PDGFRB: variants seen among roughly 807,000 people sequenced by gnomAD.
The protein encoded by PDGFRB is platelet-derived growth factor receptor beta.
A neutral mutation model predicts 120.2 loss-of-function variants in PDGFRB; 42 were observed. That is an observed-to-expected ratio of 0.35 (90% confidence interval 0.27 to 0.45). PDGFRB has a LOEUF of 0.45. PDGFRB is among the 20% of genes least tolerant of loss of function. The probability of loss-of-function intolerance (pLI) is 1.00; values close to 1 mark genes in which losing one functional copy is unlikely to be tolerated. For synonymous variants in PDGFRB, 586 were observed against 606.8 expected (o/e 0.97, Z 0.50); for missense variants, 1,149 against 1,476.3 (o/e 0.78, Z 3.63).
chr5:150,136,260 C>G (rs1760628737), intron 2 of PDGFRB, among the ~76,000 whole-genome samples: 1 of 152,250 alleles, frequency 6.6e-6, no homozygotes, highest in Admixed American at 6.5e-5. Flanking sequence ...CCTCCCCCGA[C>G]TGCCCAGGTT....
At chr5:150,139,805 C>T (rs758989721) in intron 1 of PDGFRB, among the ~76,000 whole-genome samples, 4 of 152,014 alleles carry the variant, frequency 2.6e-5, no homozygotes, top group Admixed American at 6.6e-5. Context: ...CATGGTGAAA[C>T]CCCGTCTCTA....
At chr5:150,122,230 A>G (rs939875249) in intron 15 of PDGFRB, 190 bp from the exon 16 acceptor site, 23 of 579,472 alleles carry the variant, frequency 4.0e-5, no homozygotes, top group African/African-American at 3.4e-4. Context: ...CACTGAGGCT[A>G]CCAAAATGAC....
At chr5:150,124,158 G>A in intron 14 of PDGFRB, 92 bp downstream of exon 14, 1 of 802,316 alleles carries the variant, frequency 1.2e-6, no homozygotes, top group East Asian at 2.6e-5. Context: ...GCAGGAGTGT[G>A]CTGTTGTGCA....
chr5:150,147,633 T>C (rs983165939), intron 1 of PDGFRB, among the ~76,000 whole-genome samples: 33 of 152,148 alleles, frequency 2.2e-4, no homozygotes, highest in African/African-American at 8.0e-4. Context: ...AACATTGAGA[T>C]TCCCCTCAGA....
chr5:150,139,394 T>C (rs895089263), intron 1 of PDGFRB, among the ~76,000 whole-genome samples: 4 of 151,934 alleles, frequency 2.6e-5, no homozygotes, highest in Admixed American at 6.5e-5. Flanking sequence ...CCCATCCATA[T>C]AGAGAGGTTG....
intron 14 of PDGFRB, 35 bp downstream of exon 14, chr5:150,124,215 T>A: frequency 6.8e-7 from 1 of 1,473,346 alleles, no homozygotes. Flanking sequence ...TGGTGGGCAC[T>A]TTCCCTGAGG....
Position 150,132,985 on chromosome 5 carries a change from C to T in PDGFRB, c.935-43G>A. The T allele has an allele frequency of 2.1e-6, 3 of 1,416,744 alleles. No individual in the cohort carries two copies. Among genetic ancestry groups the T allele is most frequent in the Non-Finnish European group, 2.9e-6 (3 of 1,036,348 alleles). 87.8% of individuals were successfully genotyped at this position (1,416,744 alleles called of 1,614,324 possible). On this transcript the variant is annotated intron_variant, in intron 6 of 22. Coordinates refer to ENST00000261799, the MANE Select transcript of PDGFRB (RefSeq NM_002609.4). This position sits in a 1 kb window ranked among gnomAD's most constrained non-coding sequence, Gnocchi z 5.0. ...CAGGGGCGGGGCCCTGGGGGCAGGG[C>T]ACCAACTGAATCCCAAAGGAGGCCA...
Position 150,140,690 on chromosome 5 carries a change from G to A in PDGFRB, c.-6-3637C>T, listed in dbSNP as rs148940734. ...GAGCGGAGTAAGGACCCCAAGTCCA[G>A]GGGAGCAGACTGGGAACTCCAAGTC... On this transcript the variant is annotated intron_variant, in intron 1 of 22. Transcript: ENST00000261799. Among the ~76,000 whole-genome samples, 1,206 of 151,796 alleles carry A rather than the reference G, an allele frequency of 7.9e-3. 13 individuals are homozygous for A. Among genetic ancestry groups the A allele is most frequent in the African/African-American group, 0.027 (1,115 of 41,380 alleles).
intron 21 of PDGFRB, 80 bp downstream of exon 21, chr5:150,118,667 A>T: frequency 1.1e-6 from 1 of 876,152 alleles, no homozygotes. Flanking sequence ...ATGCCAGCCC[A>T]TCACGCAGAG....
Position 150,140,263 on chromosome 5 carries a change from C to T in PDGFRB, c.-6-3210G>A, listed in dbSNP as rs962885369. Among the ~76,000 whole-genome samples the T allele has an allele frequency of 9.2e-5, 14 of 152,106 alleles. 1 individual carries two copies. The highest frequency in any genetic ancestry group is 6.5e-4 in the Admixed American group (10 of 15,280). On this transcript the variant is annotated intron_variant, in intron 1 of 22. Transcript: ENST00000261799. ...ATCCCAGGGAGGCCCAGGCAGCTGACTTGGTGGTAGTGGGCTTGCCTGTGA... is the reference window on the plus strand; with the variant it reads ...ATCCCAGGGAGGCCCAGGCAGCTGATTTGGTGGTAGTGGGCTTGCCTGTGA...
rs1472863128 is a variant in PDGFRB at position 150,124,343 on chromosome 5, C to T, written c.1930G>A (p.Glu644Lys). 2 of 1,614,098 alleles carry T rather than the reference C, an allele frequency of 1.2e-6. No homozygotes were observed. The highest frequency in any genetic ancestry group is 1.7e-6 in the Non-Finnish European group (2 of 1,179,946). ...KMLKSTARSS[E>K]KQALMSELKI... ...AGCTCCGACATAAGGGCTTGCTTCT[C>T]ACTGCTGCGGGCTGTGGCTGAGGAA... Residue 644 changes from glutamate to lysine, a missense_variant, in exon 14 of 23, where the codon GAG (glutamate) becomes AAG (lysine). Glu to Lys is a moderately conservative substitution (Grantham distance 56). Transcript: ENST00000261799.
At chr5:150,146,477 G>T (rs935349599) in intron 1 of PDGFRB, among the ~76,000 whole-genome samples, 1 of 152,176 alleles carries the variant, frequency 6.6e-6, no homozygotes, top group African/African-American at 2.4e-5. Flanking sequence ...CTTTCCCAAG[G>T]TCACACAATA....
At chr5:150,122,980 G>A in intron 15 of PDGFRB, 62 bp downstream of exon 15, 1 of 1,436,342 alleles carries the variant, frequency 7.0e-7, no homozygotes, top group South Asian at 1.2e-5. Flanking sequence ...GACAAAAGGA[G>A]GGGAAGGAGC....
intron 1 of PDGFRB, chr5:150,153,431 G>A (rs1348874224): frequency 1.3e-5 from 2 of 152,320 alleles, no homozygotes; most frequent in East Asian, 1.9e-4. Flanking sequence ...GCTTCCCGGG[G>A]AGCACGAGGT....
chr5:150,122,095 T>A, intron 15 of PDGFRB, 55 bp from the exon 16 acceptor site: 1 of 1,391,550 alleles, frequency 7.2e-7, no homozygotes, highest in Non-Finnish European at 1.0e-6. Flanking sequence ...TCCCCTCCCC[T>A]CCTGCCCCTT....
intron 3 of PDGFRB, 76 bp from the exon 4 acceptor site, chr5:150,135,092 C>G: frequency 1.3e-6 from 1 of 753,238 alleles, no homozygotes; most frequent in Non-Finnish European, 2.3e-6. Flanking sequence ...TGTGGCAAGT[C>G]ATTTGCCATC....
chr5:150,117,888 G>T (rs1203926724), intron 21 of PDGFRB, 38 bp from the exon 22 acceptor site: 1 of 1,237,938 alleles, frequency 8.1e-7, no homozygotes, highest in Non-Finnish European at 1.2e-6. Flanking sequence ...AAACAGGGAT[G>T]GTCAGGCCAG....
At chr5:150,152,987 CG>C (rs1402530682) in intron 1 of PDGFRB, among the ~76,000 whole-genome samples, 5 of 152,208 alleles carry the variant, frequency 3.3e-5, no homozygotes, top group African/African-American at 1.2e-4. Context: ...GAAACTGACT[CG>C]GGGTCAATGC....
intron 1 of PDGFRB, among the ~76,000 whole-genome samples, chr5:150,152,035 G>A (rs140620170): frequency 1.3e-5 from 2 of 151,928 alleles, no homozygotes; most frequent in Non-Finnish European, 2.9e-5. Flanking sequence ...AGCCTCCTGA[G>A]TAGCTGGGAT....
Sources: allele counts gnomAD v4.1 joint callset (sites outside exome capture counted in the v4.1 genomes callset), GRCh38; gene constraint gnomAD v4.1.1; non-coding constraint Gnocchi (gnomAD v3.1); transcripts MANE v1.5; gene names NCBI Gene and HGNC (gene_info 2026-07-23, HGNC 2026-07-21).